Variants in LHFPL3 observed in about 807,000 individuals in gnomAD.
The protein encoded by LHFPL3 is LHFPL tetraspan subfamily member 3 protein.
Under a neutral mutation model 19.3 loss-of-function variants are expected in LHFPL3, and 5 were observed. That is an observed-to-expected ratio of 0.26 (90% confidence interval 0.14 to 0.54). The LOEUF (loss-of-function observed/expected upper bound fraction) is 0.54, where lower values mean the gene tolerates loss of function less well. Among genes scored for constraint, LHFPL3 ranks in the 20% least tolerant of loss-of-function variants. The pLI is 0.94. For missense variants in LHFPL3, 249 were observed against 307.4 expected (o/e 0.81, Z 1.42); for synonymous variants, 133 against 126.2 (o/e 1.05, Z -0.36).
intron 1 of LHFPL3, among the ~76,000 whole-genome samples, chr7:104,459,463 G>A (rs1187137176): frequency 6.6e-6 from 1 of 152,210 alleles, no homozygotes; most frequent in African/African-American, 2.4e-5. Flanking sequence ...ATATTCGTGT[G>A]AGGAAATCAA....
At chr7:104,428,912 A>G (rs1390487878) in intron 1 of LHFPL3, among the ~76,000 whole-genome samples, 1 of 152,178 alleles carries the variant, frequency 6.6e-6, no homozygotes, top group Non-Finnish European at 1.5e-5. Flanking sequence ...ACTAGCCTCT[A>G]GGAGTTGAAC....
At position 104,550,250 on chromosome 7, in the gene LHFPL3, A is replaced by G. The variant is rs144188540; in HGVS notation, c.446-186425A>G. 5.5e-3 allele frequency among the ~76,000 whole-genome samples: 833 copies of G among 152,286 alleles called. 9 individuals are homozygous for G. Among genetic ancestry groups the G allele is most frequent in the African/African-American group, 0.018 (766 of 41,534 alleles). The stretch of plus-strand genomic sequence containing the variant: ...ATAATAATCTCATCCAAAAAACACC[A>G]TCACAGAAACATCCAGAATAATGCC... On this transcript the variant is annotated intron_variant, in intron 1 of 2. Transcript: ENST00000424859.
At chr7:104,757,715 A>T (rs1385483226) in intron 2 of LHFPL3, 4 of 152,614 alleles carry the variant, frequency 2.6e-5, no homozygotes, top group Non-Finnish European at 5.9e-5. Context: ...GAAGCTGGCA[A>T]GGCTGTGGAG....
At chr7:104,405,567 TC>T (rs1158878329) in intron 1 of LHFPL3, among the ~76,000 whole-genome samples, 2 of 152,208 alleles carry the variant, frequency 1.3e-5, no homozygotes, top group African/African-American at 4.8e-5. Flanking sequence ...CTACGATTAT[TC>T]CCATCTTATA....
At chr7:104,799,751 G>C (rs1430991817) in intron 2 of LHFPL3, 1 of 152,944 alleles carries the variant, frequency 6.5e-6, no homozygotes, top group Non-Finnish European at 1.5e-5. Flanking sequence ...CTCTCCTAAT[G>C]ATTCCATCAT....
chr7:104,383,095 A>G (rs1304291102), intron 1 of LHFPL3, among the ~76,000 whole-genome samples: 3 of 152,244 alleles, frequency 2.0e-5, no homozygotes, highest in Non-Finnish European at 4.4e-5. Context: ...CCATGCCGTA[A>G]CAGCCTTGTC....
intron 2 of LHFPL3, among the ~76,000 whole-genome samples, chr7:104,870,606 G>A (rs1791815036): frequency 6.6e-6 from 1 of 152,192 alleles, no homozygotes; most frequent in Non-Finnish European, 1.5e-5. Flanking sequence ...CAACAGATTG[G>A]AAAACTTTCC....
At chr7:104,334,565 A>C (rs763209369) in intron 1 of LHFPL3, among the ~76,000 whole-genome samples, 6 of 152,160 alleles carry the variant, frequency 3.9e-5, no homozygotes, top group Non-Finnish European at 8.8e-5. Flanking sequence ...TAAAATTCCC[A>C]TATGTTGTGG....
At chr7:104,621,918 T>C (rs920328286) in intron 1 of LHFPL3, among the ~76,000 whole-genome samples, 2 of 152,158 alleles carry the variant, frequency 1.3e-5, no homozygotes, top group South Asian at 4.1e-4. Context: ...TAACTCATAC[T>C]GACACAAAAA....
intron 1 of LHFPL3, among the ~76,000 whole-genome samples, chr7:104,543,827 A>G (rs971122034): frequency 1.3e-4 from 19 of 150,746 alleles, no homozygotes; most frequent in Admixed American, 1.3e-3. Flanking sequence ...ATGATGAGTT[A>G]ACGGGTGCAG....
chr7:104,623,480 A>T (rs1246304197), intron 1 of LHFPL3, among the ~76,000 whole-genome samples: 2 of 122,106 alleles, frequency 1.6e-5, no homozygotes, highest in African/African-American at 6.0e-5. Context: ...AAATACAAAA[A>T]CTAGCCGGGC....
At chr7:104,514,905 C>T (rs950289433) in intron 1 of LHFPL3, among the ~76,000 whole-genome samples, 1 of 152,142 alleles carries the variant, frequency 6.6e-6, no homozygotes, top group Non-Finnish European at 1.5e-5. Flanking sequence ...AGCAACCCAC[C>T]TTCTTTTGAA....
At chr7:104,771,797 T>A (rs1488090147) in intron 2 of LHFPL3, among the ~76,000 whole-genome samples, 1 of 150,482 alleles carries the variant, frequency 6.6e-6, no homozygotes, top group African/African-American at 2.4e-5. Context: ...CAATACTTAT[T>A]AATTTTTCTT....
intron 1 of LHFPL3, among the ~76,000 whole-genome samples, chr7:104,468,862 TGTTGGCCAG>T (rs1792847698): frequency 6.6e-6 from 1 of 152,134 alleles, no homozygotes; most frequent in Non-Finnish European, 1.5e-5. Flanking sequence ...GGTTTCACCA[TGTTGGCCAG>T]GCTGGTCTTG....
At chr7:104,544,186 A>C (rs1025249715) in intron 1 of LHFPL3, among the ~76,000 whole-genome samples, 7 of 152,260 alleles carry the variant, frequency 4.6e-5, no homozygotes, top group African/African-American at 1.7e-4. Context: ...TTATCGTCAT[A>C]AAACCTCACT....
intron 1 of LHFPL3, among the ~76,000 whole-genome samples, chr7:104,361,353 A>C (rs1790388396): frequency 6.6e-6 from 1 of 152,180 alleles, no homozygotes; most frequent in African/African-American, 2.4e-5. Context: ...TTGTTACTTT[A>C]ATCTGTGTTT....
intron 1 of LHFPL3, among the ~76,000 whole-genome samples, chr7:104,478,352 G>A (rs1376141269): frequency 6.6e-6 from 1 of 152,134 alleles, no homozygotes; most frequent in Admixed American, 6.5e-5. Context: ...CATAGCTCCT[G>A]AATGAGTAAG....
intron 1 of LHFPL3, among the ~76,000 whole-genome samples, chr7:104,614,677 T>C (rs1791290230): frequency 9.9e-6 from 1 of 101,452 alleles, no homozygotes; most frequent in East Asian, 2.6e-4. Flanking sequence ...CCTTCCTTCC[T>C]TCCTTCTTTC....
chr7:104,460,638 G>C (rs1792643527), intron 1 of LHFPL3, among the ~76,000 whole-genome samples: 3 of 152,074 alleles, frequency 2.0e-5, no homozygotes. Flanking sequence ...TTGCCCACAT[G>C]TATGTCTTCT....
Sources: gnomAD v4.1 joint callset for allele counts (sites outside exome capture counted in the v4.1 genomes callset) on GRCh38, gnomAD v4.1.1 for gene constraint, MANE v1.5 for transcripts, NCBI Gene and HGNC (gene_info 2026-07-23, HGNC 2026-07-21) for gene names.